B3GLCT: variants seen among roughly 807,000 people sequenced by gnomAD.
B3GLCT encodes beta-1,3-glucosyltransferase.
Under a neutral mutation model 63.4 loss-of-function variants are expected in B3GLCT, and 65 were observed. The observed-to-expected ratio is 1.03, with a 90% confidence interval of 0.84 to 1.26. The LOEUF is 1.26. B3GLCT is among the 50% of genes most tolerant of loss of function. The pLI, the probability that B3GLCT is intolerant of heterozygous loss-of-function variation, is 0.00. For missense variants in B3GLCT, 577 were observed against 604.8 expected (o/e 0.95, Z 0.48); for synonymous variants, 233 against 219.2 (o/e 1.06, Z -0.55).
At chr13:31,232,013 A>G (rs1357127721) in intron 4 of B3GLCT, among the ~76,000 whole-genome samples, 4 of 152,192 alleles carry the variant, frequency 2.6e-5, no homozygotes, top group Non-Finnish European at 1.5e-5. Flanking sequence ...GTCAGGATTG[A>G]GGCAAGATGG....
rs1872003916 is a variant in B3GLCT at position 31,261,055 on chromosome 13, G to A, written c.569G>A (p.Trp190Ter). Residue 190 changes from tryptophan (W) to a stop codon, truncating the protein, a stop_gained, in exon 7 of 15, where the codon TGG becomes TAG. Coordinates refer to ENST00000343307, the MANE Select transcript of B3GLCT (RefSeq NM_194318.4). LOFTEE classifies it high-confidence loss of function. The part of the protein sequence containing the change: ...VFKYPDFAAG[W>*]ALSIPLVNKL... ...AAGTATCCAGACTTTGCTGCAGGCT[G>A]GGCCTTAAGTATTCCACTTGTAAAC... 1 of 1,613,768 alleles carries A rather than the reference G, an allele frequency of 6.2e-7. No individual in the cohort carries two copies. The highest frequency in any genetic ancestry group is 2.2e-5 in the East Asian group (1 of 44,880).
chr13:31,256,742 G>A (rs774454786), intron 6 of B3GLCT, among the ~76,000 whole-genome samples: 4 of 152,142 alleles, frequency 2.6e-5, no homozygotes, highest in Non-Finnish European at 4.4e-5. Context: ...TGGACACAGG[G>A]AGGGGAACAT....
chr13:31,247,977 C>T lies in B3GLCT; in HGVS notation c.459+11C>T, dbSNP rs774100166. 2.2e-6 allele frequency: 3 copies of T among 1,365,438 alleles called. No individual in the cohort carries two copies. The highest frequency in any genetic ancestry group is 2.9e-5 in the African/African-American group (2 of 69,890). The allele number at this position is 1,365,438 out of a possible 1,614,324, so 84.6% of individuals were successfully genotyped here. Reference sequence around the variant, plus strand: ...TATGACCCCTCTAAGGTGAATATAACTTCAATACCAGTTCTTATTTTGGGG... The same window carrying T: ...TATGACCCCTCTAAGGTGAATATAATTTCAATACCAGTTCTTATTTTGGGG... On this transcript the variant is annotated intron_variant, in intron 6 of 14. Coordinates refer to ENST00000343307, the MANE Select transcript of B3GLCT (RefSeq NM_194318.4).
At chr13:31,201,699 A>G (rs1370312181) in intron 1 of B3GLCT, among the ~76,000 whole-genome samples, 2 of 152,170 alleles carry the variant, frequency 1.3e-5, no homozygotes, top group Non-Finnish European at 2.9e-5. Context: ...TGTATATAAT[A>G]TATACAACAT....
intron 12 of B3GLCT, among the ~76,000 whole-genome samples, chr13:31,299,726 G>C (rs1047793179): frequency 1.3e-5 from 2 of 152,140 alleles, no homozygotes; most frequent in Non-Finnish European, 2.9e-5. Context: ...ACCACCTCAA[G>C]GAAGTCCACA....
chr13:31,252,574 T>G (rs1871483280), intron 6 of B3GLCT, among the ~76,000 whole-genome samples: 1 of 151,974 alleles, frequency 6.6e-6, no homozygotes, highest in African/African-American at 2.4e-5. Flanking sequence ...AATCCTAGTC[T>G]CTGATAAAAC....
chr13:31,264,408 C>T (rs1330295197), intron 7 of B3GLCT, among the ~76,000 whole-genome samples: 1 of 152,130 alleles, frequency 6.6e-6, no homozygotes, highest in African/African-American at 2.4e-5. Context: ...CAGTGACCAA[C>T]AAACCGTAGA....
At chr13:31,302,394 T>A (rs1007896151) in intron 12 of B3GLCT, among the ~76,000 whole-genome samples, 2 of 150,616 alleles carry the variant, frequency 1.3e-5, no homozygotes, top group South Asian at 4.3e-4. Flanking sequence ...ACGGGTGATT[T>A]CTGCATTTCC....
Position 31,317,651 on chromosome 13 carries a change from A to T in B3GLCT, c.1150A>T (p.Thr384Ser). Residue 384 changes from threonine to serine, a missense_variant, in exon 13 of 15, where the codon ACT becomes TCT. Transcript: ENST00000343307. ...AGAGCGCTACGGCTACGGCCTGGGC[A>T]CTGGTGGCTACAGCTACATCACGGG... ...LGERYGYGLGTGGYSYITGGG... is the reference protein window; with the variant it reads ...LGERYGYGLGSGGYSYITGGG... The T allele has an allele frequency of 6.2e-7, 1 of 1,614,110 alleles. No homozygotes were observed. Among genetic ancestry groups the T allele is most frequent in the Non-Finnish European group, 8.5e-7 (1 of 1,179,986 alleles).
At chr13:31,256,466 T>C (rs1393182921) in intron 6 of B3GLCT, among the ~76,000 whole-genome samples, 3 of 152,200 alleles carry the variant, frequency 2.0e-5, no homozygotes, top group Non-Finnish European at 4.4e-5. Context: ...TAAAGATACA[T>C]GCACACATAT....
intron 6 of B3GLCT, among the ~76,000 whole-genome samples, chr13:31,255,452 T>A (rs1871688793): frequency 6.6e-6 from 1 of 152,164 alleles, no homozygotes; most frequent in South Asian, 2.1e-4. Context: ...AAAAAACTAC[T>A]TTAAATTTCA....
intron 1 of B3GLCT, among the ~76,000 whole-genome samples, chr13:31,204,000 T>C (rs1394714050): frequency 6.6e-6 from 1 of 152,170 alleles, no homozygotes; most frequent in African/African-American, 2.4e-5. Flanking sequence ...TCAGGCATCG[T>C]GATATTGCAG....
At chr13:31,255,157 A>C (rs552120491) in intron 6 of B3GLCT, among the ~76,000 whole-genome samples, 2 of 152,324 alleles carry the variant, frequency 1.3e-5, no homozygotes, top group Non-Finnish European at 2.9e-5. Context: ...CCTATACACC[A>C]ATAACAGACA....
At chr13:31,284,543 C>T (rs1202198078) in intron 10 of B3GLCT, 105 bp from the exon 11 acceptor site, 4 of 744,624 alleles carry the variant, frequency 5.4e-6, no homozygotes, top group African/African-American at 5.2e-5. Context: ...TGAAGAACAA[C>T]CAGTAATGTT....
intron 2 of B3GLCT, among the ~76,000 whole-genome samples, chr13:31,219,417 G>A (rs983211103): frequency 6.6e-6 from 1 of 152,186 alleles, no homozygotes; most frequent in Non-Finnish European, 1.5e-5. Flanking sequence ...ACAGCCCTGT[G>A]CATTATGATG....
chr13:31,239,684 CTTT>C (rs59239925), intron 4 of B3GLCT, among the ~76,000 whole-genome samples: 2 of 140,752 alleles, frequency 1.4e-5, no homozygotes, highest in Non-Finnish European at 3.1e-5. Flanking sequence ...TCACCTGAGT[CTTT>C]TTTTTTTTTT....
chr13:31,326,275 CTTTTTTTTT>C (rs11415456), intron 14 of B3GLCT, among the ~76,000 whole-genome samples: 96 of 75,914 alleles, frequency 1.3e-3, no homozygotes, highest in Middle Eastern at 0.016. Context: ...AGGTCTTTCC[CTTTTTTTTT>C]TTTTTTTTTT....
intron 2 of B3GLCT, among the ~76,000 whole-genome samples, chr13:31,216,225 C>G (rs1869554555): frequency 6.6e-6 from 1 of 152,126 alleles, no homozygotes; most frequent in African/African-American, 2.4e-5. Context: ...ATACTAATTT[C>G]TTACGATTTT....
At chr13:31,220,498 A>G (rs1258946191) in intron 2 of B3GLCT, among the ~76,000 whole-genome samples, 2 of 152,232 alleles carry the variant, frequency 1.3e-5, no homozygotes, top group African/African-American at 4.8e-5. Context: ...TAGCAGAAAT[A>G]ATAAAACAAA....
Sources: allele counts gnomAD v4.1 joint callset (sites outside exome capture counted in the v4.1 genomes callset), GRCh38; gene constraint gnomAD v4.1.1; transcripts MANE v1.5; gene names NCBI Gene and HGNC (gene_info 2026-07-23, HGNC 2026-07-21).